The following CTNNA3 variants were observed in gnomAD, a reference collection of about 807,000 sequenced individuals.
CTNNA3 encodes catenin alpha-3.
In CTNNA3, 76 loss-of-function variants were observed where a neutral mutation model predicts 95.7. That is an observed-to-expected ratio of 0.79 (90% CI 0.66 to 0.96). The LOEUF (loss-of-function observed/expected upper bound fraction) is 0.96, where lower values mean the gene tolerates loss of function less well. CTNNA3 is among the 40% of genes least tolerant of loss of function. The pLI is 0.00. For synonymous variants in CTNNA3, 431 were observed against 374.4 expected (o/e 1.15, Z -1.74); for missense variants, 1,191 against 1,089.8 (o/e 1.09, Z -1.31).
chr10:66,581,851 C>T (rs575879097), intron 10 of CTNNA3, among the ~76,000 whole-genome samples: 36 of 151,690 alleles, frequency 2.4e-4, no homozygotes, highest in Non-Finnish European at 4.3e-4. Context: ...CAGAGATCCA[C>T]TGTCTTTCTT....
At chr10:66,068,158 T>C (rs183640489) in intron 15 of CTNNA3, among the ~76,000 whole-genome samples, 12 of 152,242 alleles carry the variant, frequency 7.9e-5, no homozygotes, top group East Asian at 1.9e-4. Context: ...ATTCTAACTA[T>C]TTTATTTTTA....
chr10:67,067,210 T>C (rs1346343497), intron 7 of CTNNA3, among the ~76,000 whole-genome samples: 1 of 152,184 alleles, frequency 6.6e-6, no homozygotes, highest in Non-Finnish European at 1.5e-5. Context: ...ACCACAGAAG[T>C]GAAACAATTT....
chr10:67,712,156 T>G (rs1841115023), intron 1 of CTNNA3, among the ~76,000 whole-genome samples: 1 of 152,218 alleles, frequency 6.6e-6, no homozygotes, highest in South Asian at 2.1e-4. Flanking sequence ...AATGATAGAC[T>G]GGATTAAGAA....
chr10:67,088,600 T>A (rs190159574), intron 7 of CTNNA3, among the ~76,000 whole-genome samples: 1 of 152,054 alleles, frequency 6.6e-6, no homozygotes, highest in South Asian at 2.1e-4. Context: ...AGAATGTTTT[T>A]TCCTTACTCT....
intron 12 of CTNNA3, among the ~76,000 whole-genome samples, chr10:66,295,253 G>A (rs561979989): frequency 6.6e-6 from 1 of 152,298 alleles, no homozygotes; most frequent in East Asian, 1.9e-4. Context: ...ATTTGTTAAT[G>A]AAACTGCATT....
intron 10 of CTNNA3, among the ~76,000 whole-genome samples, chr10:66,560,564 A>G (rs986808821): frequency 2.6e-5 from 4 of 152,028 alleles, no homozygotes; most frequent in African/African-American, 9.7e-5. Flanking sequence ...TACTTTTATC[A>G]TTTGGGAATC....
At chr10:67,336,733 C>A (rs982900572) in intron 5 of CTNNA3, among the ~76,000 whole-genome samples, 4 of 152,134 alleles carry the variant, frequency 2.6e-5, no homozygotes, top group Non-Finnish European at 5.9e-5. Flanking sequence ...TTAATTGAAG[C>A]CAATGTTCAT....
At chr10:67,713,861 G>C (rs749376186) in intron 1 of CTNNA3, among the ~76,000 whole-genome samples, 4 of 152,056 alleles carry the variant, frequency 2.6e-5, no homozygotes, top group Non-Finnish European at 4.4e-5. Flanking sequence ...TAGATGACGG[G>C]TTGATAGGTG....
At chr10:66,530,442 T>C (rs1458961691) in intron 10 of CTNNA3, among the ~76,000 whole-genome samples, 35 of 152,168 alleles carry the variant, frequency 2.3e-4, no homozygotes, top group Admixed American at 2.3e-3. Flanking sequence ...CTACCAAATA[T>C]TTCTCACTTT....
At chr10:66,565,728 T>C (rs1157785027) in intron 10 of CTNNA3, among the ~76,000 whole-genome samples, 2 of 152,144 alleles carry the variant, frequency 1.3e-5, no homozygotes, top group African/African-American at 4.8e-5. Flanking sequence ...CAAGAATATG[T>C]CAGGTCTCTC....
intron 7 of CTNNA3, among the ~76,000 whole-genome samples, chr10:66,821,579 T>C (rs1339318140): frequency 1.3e-5 from 2 of 152,150 alleles, no homozygotes; most frequent in African/African-American, 4.8e-5. Flanking sequence ...CTTTATTACA[T>C]ACAAAAGAGC....
intron 11 of CTNNA3, among the ~76,000 whole-genome samples, chr10:66,388,035 G>A (rs1485300780): frequency 6.6e-6 from 1 of 152,062 alleles, no homozygotes; most frequent in Admixed American, 6.6e-5. Flanking sequence ...CATGGCACAT[G>A]TATACCTATG....
Position 66,697,913 on chromosome 10 carries a change from A to T in CTNNA3, c.1281+68351T>A, listed in dbSNP as rs183069135. ...GACTCAGGCCAATGGTGGTCTCAAAACAATGTTTTCATCTCCCTGAACCAT... is the reference window on the plus strand; with the variant it reads ...GACTCAGGCCAATGGTGGTCTCAAATCAATGTTTTCATCTCCCTGAACCAT... On this transcript the variant is annotated intron_variant, in intron 9 of 17. Transcript: ENST00000433211. Among the ~76,000 whole-genome samples the T allele has an allele frequency of 8.3e-4, 126 of 152,250 alleles. 2 individuals carry two copies. The highest frequency in any genetic ancestry group is 2.7e-3 in the African/African-American group (113 of 41,534).
intron 5 of CTNNA3, among the ~76,000 whole-genome samples, chr10:67,393,385 T>C (rs961963654): frequency 5.9e-5 from 9 of 152,218 alleles, no homozygotes; most frequent in Admixed American, 3.9e-4. Flanking sequence ...GAATGGCTTT[T>C]TGAAGACTCA....
intron 7 of CTNNA3, among the ~76,000 whole-genome samples, chr10:67,026,911 T>C (rs1221549339): frequency 6.6e-6 from 1 of 152,218 alleles, no homozygotes; most frequent in Non-Finnish European, 1.5e-5. Flanking sequence ...TAAGATCACA[T>C]TAAAATAGAA....
intron 10 of CTNNA3, among the ~76,000 whole-genome samples, chr10:66,594,668 G>T (rs998698258): frequency 6.6e-6 from 1 of 152,018 alleles, no homozygotes; most frequent in Non-Finnish European, 1.5e-5. Context: ...CTGTAGCAAG[G>T]CATTTTTGTT....
intron 16 of CTNNA3, among the ~76,000 whole-genome samples, chr10:65,970,995 T>G (rs1290331465): frequency 6.6e-6 from 1 of 151,412 alleles, no homozygotes; most frequent in African/African-American, 2.4e-5. Flanking sequence ...TCTCTTTTTT[T>G]TTTTTTAATA....
At chr10:67,141,223 A>C (rs1240252943) in intron 7 of CTNNA3, among the ~76,000 whole-genome samples, 1 of 152,246 alleles carries the variant, frequency 6.6e-6, no homozygotes, top group Non-Finnish European at 1.5e-5. Flanking sequence ...TACCATAAAA[A>C]AATCTTTAAA....
At chr10:66,323,155 A>C (rs1479374262) in intron 12 of CTNNA3, among the ~76,000 whole-genome samples, 4 of 152,066 alleles carry the variant, frequency 2.6e-5, no homozygotes, top group Non-Finnish European at 4.4e-5. Context: ...ATTTTTAATG[A>C]TACAGGAGGT....
Sources: allele counts gnomAD v4.1 joint callset (sites outside exome capture counted in the v4.1 genomes callset), GRCh38; gene constraint gnomAD v4.1.1; transcripts MANE v1.5; gene names NCBI Gene and HGNC (gene_info 2026-07-23, HGNC 2026-07-21).